The following UTRN variants were observed in gnomAD, a reference collection of about 807,000 sequenced individuals.
UTRN encodes dystrophin-related protein 1.
Under a neutral mutation model 463.9 loss-of-function variants are expected in UTRN, and 283 were observed. The ratio of observed to expected loss-of-function variants is 0.61; its 90% confidence interval spans 0.55 to 0.67. The LOEUF (loss-of-function observed/expected upper bound fraction) is 0.67. UTRN is among the 30% of genes least tolerant of loss of function. The pLI is 0.00. For missense variants in UTRN, 3,922 were observed against 4,084.3 expected, an observed-to-expected ratio of 0.96 and a Z score of 1.08; for synonymous variants, 1,442 against 1,431.5, an observed-to-expected ratio of 1.01 and a Z score of -0.17.
At chr6:144,631,237 G>GTGTGTGTGTGT (rs111543509) in intron 51 of UTRN, among the ~76,000 whole-genome samples, 10 of 147,534 alleles carry the variant, frequency 6.8e-5, no homozygotes, top group Non-Finnish European at 1.1e-4. Context: ...GAGAGAGAGA[G>GTGTGTGTGTGT]GTGTGTGTGT....
intron 53 of UTRN, among the ~76,000 whole-genome samples, chr6:144,700,899 AATTTTGT>A (rs1334469620): frequency 5.5e-5 from 8 of 145,026 alleles, no homozygotes; most frequent in Non-Finnish European, 9.0e-5. Context: ...ACCCCCAGCT[AATTTTGT>A]ATTTTGTATT....
chr6:144,837,292 T>G (rs985484779), intron 71 of UTRN: 1 of 152,256 alleles, frequency 6.6e-6, no homozygotes, highest in African/African-American at 2.4e-5. Context: ...AAAAGAAGCA[T>G]CAATACAGTT....
At chr6:144,398,085 A>T (rs1782610899) in intron 2 of UTRN, 2 of 248,864 alleles carry the variant, frequency 8.0e-6, no homozygotes, top group Middle Eastern at 4.7e-4. Flanking sequence ...TCTGGAAAGG[A>T]ATAATCTGGA....
intron 62 of UTRN, 42 bp from the exon 63 acceptor site, chr6:144,793,792 A>C: frequency 6.3e-7 from 1 of 1,599,352 alleles, no homozygotes; most frequent in Non-Finnish European, 8.5e-7. Context: ...GTAAAAGAAC[A>C]TGGTAGACAG....
chr6:144,469,077 T>C (rs913946186), intron 23 of UTRN, among the ~76,000 whole-genome samples: 2 of 151,536 alleles, frequency 1.3e-5, no homozygotes, highest in Non-Finnish European at 2.9e-5. Context: ...TCTGTACCAA[T>C]TCCTTCCCAT....
intron 66 of UTRN, among the ~76,000 whole-genome samples, chr6:144,824,620 T>C (rs1353052758): frequency 5.1e-5 from 5 of 97,416 alleles, no homozygotes; most frequent in African/African-American, 2.2e-4. Flanking sequence ...ATATCTTTTT[T>C]TTTTTTTTTT....
intron 11 of UTRN, among the ~76,000 whole-genome samples, chr6:144,438,132 G>A (rs1786769077): frequency 6.6e-6 from 1 of 152,138 alleles, no homozygotes; most frequent in African/African-American, 2.4e-5. Context: ...TGGGCATGGT[G>A]GGCCATGCCT....
rs139047898 is a variant in UTRN at position 144,566,145 on chromosome 6, G to A, written c.7289+8834G>A. On this transcript the variant is annotated intron_variant, in intron 50 of 74. Coordinates refer to ENST00000367545, the MANE Select transcript of UTRN (RefSeq NM_007124.3). ...AACGAGAAGGTGAGTTTAGATGTAC[G>A]TGAACTAGACCATTAGTGGTGGAAG... 2.7e-3 allele frequency among the ~76,000 whole-genome samples: 413 copies of A among 152,288 alleles called. 3 individuals are homozygous for A. The highest frequency in any genetic ancestry group is 9.1e-3 in the African/African-American group (380 of 41,570).
At chr6:144,332,638 A>C (rs1389913653) in intron 2 of UTRN, among the ~76,000 whole-genome samples, 1 of 152,170 alleles carries the variant, frequency 6.6e-6, no homozygotes, top group Non-Finnish European at 1.5e-5. Flanking sequence ...AGAATACTTA[A>C]GTTACAAACA....
At chr6:144,450,411 T>C (rs1179404524) in intron 17 of UTRN, among the ~76,000 whole-genome samples, 1 of 152,220 alleles carries the variant, frequency 6.6e-6, no homozygotes, top group African/African-American at 2.4e-5. Flanking sequence ...AATGTGATCT[T>C]CCCTTTCTCT....
At chr6:144,492,123 CA>C (rs1793131586) in intron 32 of UTRN, among the ~76,000 whole-genome samples, 1 of 152,128 alleles carries the variant, frequency 6.6e-6, no homozygotes, top group Non-Finnish European at 1.5e-5. Flanking sequence ...ACCCATCACC[CA>C]AATAATAAAT....
At chr6:144,648,534 A>T (rs796710461) in intron 51 of UTRN, among the ~76,000 whole-genome samples, 82 of 152,300 alleles carry the variant, frequency 5.4e-4, no homozygotes, top group African/African-American at 1.8e-3. Context: ...AAGTATGACT[A>T]AAAAAATACA....
intron 23 of UTRN, among the ~76,000 whole-genome samples, chr6:144,470,704 G>A (rs534408169): frequency 4.6e-5 from 7 of 152,004 alleles, no homozygotes; most frequent in South Asian, 2.1e-4. Context: ...GTAGCGAGCC[G>A]AGATCACGCC....
intron 51 of UTRN, among the ~76,000 whole-genome samples, chr6:144,651,248 T>C (rs187902737): frequency 6.6e-6 from 1 of 152,272 alleles, no homozygotes; most frequent in African/African-American, 2.4e-5. Flanking sequence ...ATTTCTGGTA[T>C]ACATATAATA....
At chr6:144,355,677 G>T (rs904409901) in intron 2 of UTRN, among the ~76,000 whole-genome samples, 1 of 151,964 alleles carries the variant, frequency 6.6e-6, no homozygotes, top group Admixed American at 6.6e-5. Flanking sequence ...TTATAGAAAA[G>T]TTGCAAAGAT....
chr6:144,450,307 C>G (rs1788136836), intron 17 of UTRN, among the ~76,000 whole-genome samples: 2 of 152,142 alleles, frequency 1.3e-5, no homozygotes, highest in African/African-American at 4.8e-5. Context: ...GTAGCTGGTC[C>G]ATGTGATTCT....
intron 53 of UTRN, among the ~76,000 whole-genome samples, chr6:144,703,599 T>A (rs1338759511): frequency 6.6e-6 from 1 of 151,284 alleles, no homozygotes; most frequent in African/African-American, 2.4e-5. Context: ...GAGAACAGAG[T>A]CCAGGATGCC....
At chr6:144,311,187 A>C (rs1252933217) in intron 2 of UTRN, among the ~76,000 whole-genome samples, 1 of 152,248 alleles carries the variant, frequency 6.6e-6, no homozygotes, top group Non-Finnish European at 1.5e-5. Context: ...GGCTCTGGAA[A>C]GTAACGATGC....
At chr6:144,696,219 A>T (rs1451630481) in intron 52 of UTRN, among the ~76,000 whole-genome samples, 1 of 151,802 alleles carries the variant, frequency 6.6e-6, no homozygotes, top group Non-Finnish European at 1.5e-5. Flanking sequence ...TTTTTTTCCA[A>T]ATCTAATAGA....
Sources: gnomAD v4.1 joint callset for allele counts (sites outside exome capture counted in the v4.1 genomes callset) on GRCh38, gnomAD v4.1.1 for gene constraint, MANE v1.5 for transcripts, NCBI Gene and HGNC (gene_info 2026-07-23, HGNC 2026-07-21) for gene names.